The following NALCN variants were observed in gnomAD, a reference collection of about 807,000 sequenced individuals.
The protein encoded by NALCN is sodium leak channel, non-selective.
A neutral mutation model predicts 225.3 loss-of-function variants in NALCN; 111 were observed. That is an observed-to-expected ratio of 0.49 (90% CI 0.42 to 0.58). The LOEUF is 0.58. Ranked by LOEUF, NALCN falls within the 20% of genes least tolerant of loss-of-function variation. The pLI, the probability that NALCN is intolerant of heterozygous loss-of-function variation, is 0.00. For synonymous variants in NALCN, 764 were observed against 769.0 expected (o/e 0.99, Z 0.11); for missense variants, 1,378 against 2,202.4 (o/e 0.63, Z 7.49).
chr13:101,258,887 AC>A (rs1365713853), intron 10 of NALCN, among the ~76,000 whole-genome samples: 1 of 152,170 alleles, frequency 6.6e-6, no homozygotes, highest in African/African-American at 2.4e-5. Flanking sequence ...CTTAATTCTG[AC>A]TGTATGGATA....
Position 101,412,611 on chromosome 13 carries a change from C to T in NALCN, c.-40+3702G>A, listed in dbSNP as rs112557603. Among the ~76,000 whole-genome samples, 1,300 of 152,308 alleles carry T rather than the reference C, an allele frequency of 8.5e-3. 18 individuals carry two copies. Among genetic ancestry groups the T allele is most frequent in the Middle Eastern group, 0.031 (9 of 294 alleles). On this transcript the variant is annotated intron_variant, in intron 1 of 43. Transcript: ENST00000251127. ...AACTTCGCTCCTTCATACTAAGGGG[C>T]TCTTCCAGGGTCTCTCTTCCGTATT...
intron 38 of NALCN, 52 bp downstream of exon 38, chr13:101,068,643 A>G (rs2032613297): frequency 5.5e-6 from 8 of 1,452,168 alleles, no homozygotes; most frequent in South Asian, 1.7e-5. Flanking sequence ...ATACATAATT[A>G]TCTAAGTACC....
At chr13:101,329,120 C>T (rs2045067996) in intron 7 of NALCN, among the ~76,000 whole-genome samples, 2 of 152,082 alleles carry the variant, frequency 1.3e-5, no homozygotes, top group Admixed American at 6.5e-5. Context: ...TTCAGTTCAA[C>T]TTCAATTTGG....
chr13:101,133,514 C>G (rs544894684), intron 17 of NALCN, among the ~76,000 whole-genome samples: 1 of 152,136 alleles, frequency 6.6e-6, no homozygotes, highest in Non-Finnish European at 1.5e-5. Context: ...TTGAATAAGT[C>G]TCCCAAATAA....
intron 7 of NALCN, among the ~76,000 whole-genome samples, chr13:101,310,206 C>T (rs1001756442): frequency 5.9e-5 from 9 of 152,264 alleles, no homozygotes; most frequent in Admixed American, 3.9e-4. Context: ...AGTTTTGTCT[C>T]GCCTCTACTC....
intron 17 of NALCN, among the ~76,000 whole-genome samples, chr13:101,133,588 G>A (rs986812090): frequency 6.6e-6 from 1 of 152,172 alleles, no homozygotes; most frequent in Non-Finnish European, 1.5e-5. Context: ...TATCTCATTT[G>A]ACTGTATTTG....
intron 6 of NALCN, among the ~76,000 whole-genome samples, chr13:101,375,788 GC>G (rs2046672784): frequency 6.6e-6 from 1 of 152,038 alleles, no homozygotes; most frequent in African/African-American, 2.4e-5. Context: ...AATCCCTGCT[GC>G]CCTGAAATCT....
At chr13:101,329,975 G>T (rs926677838) in intron 7 of NALCN, among the ~76,000 whole-genome samples, 2 of 151,408 alleles carry the variant, frequency 1.3e-5, no homozygotes, top group Non-Finnish European at 2.9e-5. Context: ...GGAGGAGGAG[G>T]CTGCAGTGAG....
chr13:101,135,983 T>C (rs1457408678), intron 17 of NALCN, among the ~76,000 whole-genome samples: 3 of 152,220 alleles, frequency 2.0e-5, no homozygotes, highest in Non-Finnish European at 1.5e-5. Flanking sequence ...TACTTTTGAC[T>C]CTCAATGCGC....
chr13:101,129,511 C>T (rs2036407935), intron 17 of NALCN, among the ~76,000 whole-genome samples: 1 of 152,100 alleles, frequency 6.6e-6, no homozygotes, highest in Non-Finnish European at 1.5e-5. Flanking sequence ...TGACAAGATG[C>T]TCCAAGGTCA....
At chr13:101,249,097 T>C (rs1416625501) in intron 11 of NALCN, among the ~76,000 whole-genome samples, 1 of 152,100 alleles carries the variant, frequency 6.6e-6, no homozygotes, top group Non-Finnish European at 1.5e-5. Context: ...CATTTACTTC[T>C]ATAAAAAAGA....
At chr13:101,232,242 G>T (rs1247302516) in intron 12 of NALCN, among the ~76,000 whole-genome samples, 1 of 151,954 alleles carries the variant, frequency 6.6e-6, no homozygotes, top group East Asian at 1.9e-4. Context: ...GGAAGTATCA[G>T]TGGTCAGTCT....
intron 2 of NALCN, among the ~76,000 whole-genome samples, chr13:101,396,254 G>A (rs1468299416): frequency 1.3e-5 from 2 of 151,714 alleles, no homozygotes; most frequent in Non-Finnish European, 2.9e-5. Context: ...ATGAAAACTA[G>A]TATCTAGGAT....
At position 101,102,727 on chromosome 13, in the gene NALCN, A is replaced by T. The variant is rs535704500; in HGVS notation, c.3057+445T>A. On this transcript the variant is annotated intron_variant, in intron 26 of 43. Coordinates refer to ENST00000251127, the MANE Select transcript of NALCN (RefSeq NM_052867.4). ...ATTTTTAAAGTTGTTTTATGTTAAC[A>T]CTCCTGAGATCTAAAGACAAATTCT... Among the ~76,000 whole-genome samples, 101 of 152,246 alleles carry T rather than the reference A, an allele frequency of 6.6e-4. 1 individual carries two copies. Among genetic ancestry groups the T allele is most frequent in the African/African-American group, 2.4e-3 (99 of 41,526 alleles).
At chr13:101,397,745 A>G (rs867093004) in intron 2 of NALCN, among the ~76,000 whole-genome samples, 1 of 152,068 alleles carries the variant, frequency 6.6e-6, no homozygotes, top group African/African-American at 2.4e-5. Context: ...AAATATACAC[A>G]TAATATATGA....
At chr13:101,385,094 C>T (rs1199740224) in intron 3 of NALCN, among the ~76,000 whole-genome samples, 1 of 152,172 alleles carries the variant, frequency 6.6e-6, no homozygotes, top group African/African-American at 2.4e-5. Context: ...GCAGAGCCTG[C>T]TGGGCCCTCC....
At chr13:101,360,093 C>A (rs12561567) in intron 6 of NALCN, among the ~76,000 whole-genome samples, 1 of 137,824 alleles carries the variant, frequency 7.3e-6, no homozygotes, top group South Asian at 2.2e-4. Flanking sequence ...CTCTTTCTTT[C>A]TTTTCTTTCT....
chr13:101,387,741 T>C (rs938835193), intron 3 of NALCN, among the ~76,000 whole-genome samples: 3 of 152,082 alleles, frequency 2.0e-5, no homozygotes, highest in Non-Finnish European at 4.4e-5. Flanking sequence ...CAAACTTGAG[T>C]AATATGAGAG....
intron 13 of NALCN, among the ~76,000 whole-genome samples, chr13:101,198,122 T>C (rs7320534): frequency 0.26 from 39,056 of 151,768 alleles, 5,302 homozygotes; most frequent in East Asian, 0.37. Context: ...GTATGAGGAA[T>C]CTTATGCAAA....
Sources: allele counts gnomAD v4.1 joint callset (sites outside exome capture counted in the v4.1 genomes callset), GRCh38; gene constraint gnomAD v4.1.1; transcripts MANE v1.5; gene names NCBI Gene and HGNC (gene_info 2026-07-23, HGNC 2026-07-21).